The following MTUS1 variants were observed in gnomAD, a reference collection of about 807,000 sequenced individuals.
MTUS1 encodes the protein microtubule associated scaffold protein 1.
A neutral mutation model predicts 120.8 loss-of-function variants in MTUS1; 109 were observed. The observed-to-expected ratio is 0.90, with a 90% confidence interval of 0.77 to 1.06. The LOEUF (loss-of-function observed/expected upper bound fraction) is 1.06. Ranked by LOEUF, MTUS1 falls within the 50% of genes least tolerant of loss-of-function variation. The pLI is 0.00. For synonymous variants in MTUS1, 737 were observed against 550.5 expected, an observed-to-expected ratio of 1.34 and a Z score of -4.74; for missense variants, 2,210 against 1,486.3, an observed-to-expected ratio of 1.49 and a Z score of -8.01.
At chr8:17,687,040 T>C (rs1815958073) in intron 6 of MTUS1, among the ~76,000 whole-genome samples, 2 of 152,202 alleles carry the variant, frequency 1.3e-5, no homozygotes, top group African/African-American at 4.8e-5. Context: ...TACACAGGAA[T>C]CTAAACATTA....
At position 17,787,069 on chromosome 8, in the gene MTUS1, C is replaced by T. The variant is rs1300332761; in HGVS notation, c.-155+13992G>A. 3.3e-5 allele frequency among the ~76,000 whole-genome samples: 5 copies of T among 152,184 alleles called. No homozygotes were observed. In the East Asian group the frequency reaches 9.6e-4, roughly 29 times the overall value. ...CGGAAGCTTCAGGACATCATAAGGG[C>T]TGGTGAGAGAAAGCGCTGTGTAAAC... is the stretch of plus-strand genomic sequence containing the variant. On this transcript the variant is annotated intron_variant, in intron 1 of 14. Transcript: ENST00000693296.
At chr8:17,671,865 CTCTTT>C (rs758776367) in intron 8 of MTUS1, among the ~76,000 whole-genome samples, 1 of 152,128 alleles carries the variant, frequency 6.6e-6, no homozygotes, top group African/African-American at 2.4e-5. Flanking sequence ...AGTGGCAGCT[CTCTTT>C]TCTTGAGTTG....
intron 1 of MTUS1, among the ~76,000 whole-genome samples, chr8:17,777,964 G>C (rs529645204): frequency 6.6e-6 from 1 of 152,274 alleles, no homozygotes; most frequent in African/African-American, 2.4e-5. Context: ...TGTGTTTTAT[G>C]ATTCCTGCTA....
At position 17,752,358 on chromosome 8, in the gene MTUS1, G is replaced by C. The variant is rs192065228; in HGVS notation, c.2091+1359C>G. 3.3e-5 allele frequency among the ~76,000 whole-genome samples: 5 copies of C among 152,260 alleles called. No individual in the cohort carries two copies. In the East Asian group the frequency reaches 9.6e-4, roughly 29 times the overall value. ...AACTAAGAATGTTGATTAGAATTAA[G>C]AGTATGTTGTAATTTAATTTTGCAA... On this transcript the variant is annotated intron_variant, in intron 2 of 14. Transcript: ENST00000693296.
intron 2 of MTUS1, among the ~76,000 whole-genome samples, chr8:17,749,394 C>G (rs2131307323): frequency 6.6e-6 from 1 of 152,090 alleles, no homozygotes; most frequent in African/African-American, 2.4e-5. Context: ...GGTGGTGGCT[C>G]AAACCTGTAA....
intron 1 of MTUS1, among the ~76,000 whole-genome samples, chr8:17,792,714 A>C (rs2051899964): frequency 6.6e-6 from 1 of 152,222 alleles, no homozygotes. Flanking sequence ...AAATACAAAA[A>C]TTATCCAGGC....
intron 6 of MTUS1, chr8:17,692,052 G>GA (rs1490181300): frequency 1.3e-5 from 2 of 152,074 alleles, no homozygotes; most frequent in Non-Finnish European, 2.9e-5. Flanking sequence ...ATAGAATAGA[G>GA]AAAAAATAGC....
chr8:17,788,555 C>T (rs1045867530), intron 1 of MTUS1, among the ~76,000 whole-genome samples: 4 of 152,172 alleles, frequency 2.6e-5, no homozygotes, highest in African/African-American at 9.7e-5. Flanking sequence ...GGTACGACAG[C>T]CACAGACTAA....
intron 2 of MTUS1, among the ~76,000 whole-genome samples, chr8:17,745,730 T>C (rs554634953): frequency 1.3e-5 from 2 of 152,342 alleles, no homozygotes; most frequent in East Asian, 1.9e-4. Context: ...ATTCTCTGGT[T>C]TCCTGACAAA....
intron 4 of MTUS1, chr8:17,722,652 A>G (rs2045927640): frequency 8.1e-6 from 6 of 739,942 alleles, no homozygotes; most frequent in Non-Finnish European, 9.9e-6. Flanking sequence ...TGCCTTCTCT[A>G]CAAAAAATGC....
At chr8:17,772,368 C>T (rs994099085) in intron 1 of MTUS1, among the ~76,000 whole-genome samples, 4 of 152,152 alleles carry the variant, frequency 2.6e-5, no homozygotes, top group African/African-American at 7.2e-5. Context: ...ATATTTCACT[C>T]GCATTATCCA....
At chr8:17,775,090 C>T (rs2050315532) in intron 1 of MTUS1, among the ~76,000 whole-genome samples, 1 of 150,728 alleles carries the variant, frequency 6.6e-6, no homozygotes, top group South Asian at 2.1e-4. Flanking sequence ...TTACCAGGGG[C>T]TGGGGCAGGG....
chr8:17,684,917 T>C (rs1815436926), intron 6 of MTUS1, among the ~76,000 whole-genome samples: 1 of 152,210 alleles, frequency 6.6e-6, no homozygotes, highest in East Asian at 1.9e-4. Flanking sequence ...TGATCTCATA[T>C]GCTGAAAGGA....
chr8:17,691,169 T>G (rs1237160168), intron 6 of MTUS1: 1 of 152,232 alleles, frequency 6.6e-6, no homozygotes, highest in Non-Finnish European at 1.5e-5. Flanking sequence ...TTACTTACTT[T>G]CCATTTTTGT....
chr8:17,699,092 C>A lies in MTUS1; in HGVS notation c.2623+14122G>T, dbSNP rs1296936321. 5.3e-5 allele frequency among the ~76,000 whole-genome samples: 8 copies of A among 152,266 alleles called. No individual in the cohort carries two copies. In the South Asian group the frequency reaches 1.7e-3, roughly 32 times the overall value. ...TTAAAAACAAACAGAAGAACAGAGT[C>A]AAATTTTGCCATGATTAAAAACAGA... On this transcript the variant is annotated intron_variant, in intron 6 of 14. Transcript: ENST00000693296.
intron 6 of MTUS1, among the ~76,000 whole-genome samples, chr8:17,688,913 T>C (rs1001312217): frequency 6.6e-6 from 1 of 152,176 alleles, no homozygotes; most frequent in Non-Finnish European, 1.5e-5. Flanking sequence ...TTTAGACATT[T>C]AGAATTACCC....
At chr8:17,674,771 C>G in intron 8 of MTUS1, 1 of 1,005,662 alleles carries the variant, frequency 9.9e-7, no homozygotes, top group Non-Finnish European at 1.2e-6. Flanking sequence ...CAACTTCATA[C>G]TCACTACTCA....
At chr8:17,662,990 A>G (rs76912134) in intron 8 of MTUS1, among the ~76,000 whole-genome samples, 5,641 of 152,294 alleles carry the variant, frequency 0.037, 238 homozygotes, top group South Asian at 0.13. Context: ...TCACTCTGCA[A>G]TGAATCACCC....
intron 4 of MTUS1, among the ~76,000 whole-genome samples, chr8:17,720,357 A>C: frequency 6.6e-6 from 1 of 151,722 alleles, no homozygotes; most frequent in Non-Finnish European, 1.5e-5. Context: ...AAAAAAAAAA[A>C]ACAAAAAACA....
Sources: gnomAD v4.1 joint callset for allele counts (sites outside exome capture counted in the v4.1 genomes callset) on GRCh38, gnomAD v4.1.1 for gene constraint, MANE v1.5 for transcripts, NCBI Gene and HGNC (gene_info 2026-07-23, HGNC 2026-07-21) for gene names.